Variants in ZNF594 observed in about 807,000 individuals in gnomAD.
ZNF594 encodes zinc finger protein 594, also known as zinc finger protein HZF18.
For missense variants in ZNF594, 1,037 were observed against 964.6 expected (o/e 1.08, Z -0.99); for synonymous variants, 336 against 309.4 (o/e 1.09, Z -0.90).
chr17:5,182,761 C>T lies in ZNF594; in HGVS notation c.1496G>A (p.Arg499Gln), dbSNP rs553767305. The change falls in exon 2 of 2, where the codon CGG becomes CAG. Residue 499 changes from arginine (R) to glutamine (Q), a missense_variant. Transcript: ENST00000575779. ...CCGATGTTGAATAAGGAGTGAACGC[C>T]GCCTGAAGGCTTTCCCACATTCAGT... ...QCTECGKAFR[R>Q]RSLLIQHRRI... 72 of 1,613,762 alleles carry T rather than the reference C, an allele frequency of 4.5e-5. No homozygotes were observed. The Admixed American group carries it at 8.0e-4, about 18-fold the overall frequency.
At chr17:5,191,444 T>A (rs2074423582) in intron 1 of ZNF594, 1 of 152,058 alleles carries the variant, frequency 6.6e-6, no homozygotes, top group Admixed American at 6.5e-5. Flanking sequence ...GGCACAGATG[T>A]GGGCGAGGAA....
downstream of ZNF594, among the ~76,000 whole-genome samples, chr17:5,177,949 C>T (rs189510903): frequency 1.3e-5 from 2 of 152,154 alleles, no homozygotes; most frequent in African/African-American, 4.8e-5. Flanking sequence ...AACCAGCCAA[C>T]AAAAATACTG....
Position 5,181,098 on chromosome 17 carries a change from A to T in ZNF594, c.*735T>A. The T allele has an allele frequency of 6.8e-7, 1 of 1,477,260 alleles. No individual in the cohort carries two copies. Among genetic ancestry groups the T allele is most frequent in the Non-Finnish European group, 9.4e-7 (1 of 1,063,068 alleles). The allele number at this position is 1,477,260 out of a possible 1,614,324, so 91.5% of individuals were successfully genotyped here. A position where few individuals can be genotyped will look rare whatever the true frequency, so the allele number is the denominator to read the frequency against. On this transcript the variant is annotated 3_prime_UTR_variant, in exon 2 of 2. Transcript: ENST00000575779. The stretch of plus-strand genomic sequence containing the variant: ...TCTGGTATGAATTCTTTGATGACTG[A>T]CAAGGTGTGAGTTCTGACTGAAGGC...
In ZNF594 at chr17:5,183,767, A is replaced by G; in HGVS notation, c.490T>C (p.Ser164Pro). ...PYVCNECGKD[S>P]NQSSNLIIHQ... ...ATAATAAGATTTGAACTTTGATTAGAGTCTTTCCCACATTCATTACACACA... is the reference window on the plus strand; with the variant it reads ...ATAATAAGATTTGAACTTTGATTAGGGTCTTTCCCACATTCATTACACACA... The change falls in exon 2 of 2, where the codon TCT becomes CCT. Residue 164 changes from serine to proline, a missense_variant. By Grantham distance (74) the Ser-to-Pro change is moderately conservative. Coordinates refer to ENST00000575779, the MANE Select transcript of ZNF594 (RefSeq NM_032530.2). 1 of 1,613,316 alleles carries G rather than the reference A, an allele frequency of 6.2e-7. No homozygotes were observed. The highest frequency in any genetic ancestry group is 1.3e-5 in the African/African-American group (1 of 75,028).
In ZNF594 at chr17:5,181,526, C is replaced by A. The variant is rs2074340224; in HGVS notation, c.*307G>T. The A allele has an allele frequency of 1.9e-6, 3 of 1,613,834 alleles. No homozygotes were observed. In the African/African-American group the frequency reaches 4.0e-5, roughly 22 times the overall value. On this transcript the variant is annotated 3_prime_UTR_variant, in exon 2 of 2. Coordinates refer to ENST00000575779, the MANE Select transcript of ZNF594 (RefSeq NM_032530.2). Reference sequence around the variant, plus strand: ...GATGTTTGAGGAAAGCTGTGTGCCACATGAAGAGTTTCCCACATTCCTTAC... The same window carrying A: ...GATGTTTGAGGAAAGCTGTGTGCCAAATGAAGAGTTTCCCACATTCCTTAC...
chr17:5,188,628 AT>A, intron 1 of ZNF594, among the ~76,000 whole-genome samples: 1 of 152,334 alleles, frequency 6.6e-6, no homozygotes, highest in East Asian at 1.9e-4. Flanking sequence ...AATAGGAAAC[AT>A]TCAGCAGAGA....
chr17:5,176,903 T>C (rs890651441), downstream of ZNF594, among the ~76,000 whole-genome samples: 4 of 151,172 alleles, frequency 2.6e-5, no homozygotes, highest in African/African-American at 7.3e-5. Flanking sequence ...AGGATAAAAG[T>C]TGGTTTATAG....
Position 5,183,676 on chromosome 17 carries a change from T to C in ZNF594, c.581A>G (p.Gln194Arg), listed in dbSNP as rs1207194726. Residue 194 changes from glutamine to arginine, a missense_variant, in exon 2 of 2, where the codon CAG becomes CGG. Transcript: ENST00000575779. Reference protein sequence around the residue: ...ICHECGKDFNQSSNLVRHKQI... With the variant: ...ICHECGKDFNRSSNLVRHKQI... Reference sequence around the variant, plus strand: ...CTTATGTCTCACCAGATTGGAGCTCTGATTGAAGTCTTTTCCACATTCATG... The same window carrying C: ...CTTATGTCTCACCAGATTGGAGCTCCGATTGAAGTCTTTTCCACATTCATG... The C allele has an allele frequency of 3.7e-6, 6 of 1,613,866 alleles. No homozygotes were observed. The highest frequency in any genetic ancestry group is 5.1e-6 in the Non-Finnish European group (6 of 1,179,910).
At chr17:5,185,814 A>C (rs1333059886) in intron 1 of ZNF594, among the ~76,000 whole-genome samples, 1 of 152,164 alleles carries the variant, frequency 6.6e-6, no homozygotes, top group East Asian at 1.9e-4. Context: ...GCAAGTCCGA[A>C]ATCCAGCAAG....
rs747010936 is a variant in ZNF594, at chr17:5,181,207, A to C, written c.*626T>G. 8 of 1,611,652 alleles carry C rather than the reference A, an allele frequency of 5.0e-6. No individual in the cohort carries two copies. Among genetic ancestry groups the C allele is most frequent in the Non-Finnish European group, 5.9e-6 (7 of 1,177,864 alleles). The stretch of plus-strand genomic sequence containing the variant: ...ATAAGATCTGAGCTGCCCCTAAAAG[A>C]TTTCCCACATTTGTTGCATACATAA... On this transcript the variant is annotated 3_prime_UTR_variant, in exon 2 of 2. Coordinates refer to ENST00000575779, the MANE Select transcript of ZNF594 (RefSeq NM_032530.2).
At chr17:5,177,993 T>A (rs1323400803), downstream of ZNF594, among the ~76,000 whole-genome samples, 2 of 151,694 alleles carry the variant, frequency 1.3e-5, no homozygotes, top group Admixed American at 6.6e-5. Context: ...TAAAGAAATA[T>A]TCCAAATATT....
intron 1 of ZNF594, among the ~76,000 whole-genome samples, chr17:5,184,681 C>G (rs1462039854): frequency 1.3e-5 from 2 of 152,160 alleles, no homozygotes; most frequent in African/African-American, 2.4e-5. Context: ...ACAAGTTGAT[C>G]TGCTAGCAGC....
downstream of ZNF594, among the ~76,000 whole-genome samples, chr17:5,179,363 C>G (rs1467494617): frequency 6.6e-6 from 1 of 150,712 alleles, no homozygotes. Context: ...GAGGCTGGGT[C>G]TCTGGAGCTG....
At chr17:5,176,971 G>A (rs1289863412), downstream of ZNF594, among the ~76,000 whole-genome samples, 3 of 151,898 alleles carry the variant, frequency 2.0e-5, no homozygotes, top group South Asian at 2.1e-4. Context: ...CGAGGCAGGC[G>A]GATCACGAGG....
chr17:5,190,316 C>A (rs942114853), intron 1 of ZNF594, among the ~76,000 whole-genome samples: 1 of 152,012 alleles, frequency 6.6e-6, no homozygotes, highest in Admixed American at 6.6e-5. Flanking sequence ...TGCAGTGAGC[C>A]GAGATCGCAC....
chr17:5,191,106 T>G (rs1160940143), intron 1 of ZNF594, among the ~76,000 whole-genome samples: 1 of 152,072 alleles, frequency 6.6e-6, no homozygotes, highest in Non-Finnish European at 1.5e-5. Flanking sequence ...AACTAGCCCC[T>G]TCCTCAGGGC....
At position 5,181,606 on chromosome 17, in the gene ZNF594, G is replaced by A. The variant is rs760818972; in HGVS notation, c.*227C>T. The A allele has an allele frequency of 2.4e-5, 39 of 1,607,924 alleles. No homozygotes were observed. Among genetic ancestry groups the A allele is most frequent in the Middle Eastern group, 1.6e-4 (1 of 6,068 alleles). On this transcript the variant is annotated 3_prime_UTR_variant, in exon 2 of 2. Transcript: ENST00000575779. Reference sequence around the variant, plus strand: ...CTCCGACGTTGAATAAGGAGTGAACGCCGCCTGAAGGCTTTTTCACATTCA... The same window carrying A: ...CTCCGACGTTGAATAAGGAGTGAACACCGCCTGAAGGCTTTTTCACATTCA...
intron 1 of ZNF594, among the ~76,000 whole-genome samples, chr17:5,188,815 T>C (rs1230970278): frequency 6.7e-6 from 1 of 150,276 alleles, no homozygotes; most frequent in Non-Finnish European, 1.5e-5. Flanking sequence ...TGGCGCGATC[T>C]CGGCTCACTG....
intron 1 of ZNF594, chr17:5,191,333 T>C (rs1289602855): frequency 1.3e-5 from 2 of 152,218 alleles, no homozygotes; most frequent in African/African-American, 2.4e-5. Flanking sequence ...GTAGAACATA[T>C]ATGAACAATA....
Sources: allele counts gnomAD v4.1 joint callset (sites outside exome capture counted in the v4.1 genomes callset), GRCh38; gene constraint gnomAD v4.1.1; transcripts MANE v1.5; gene names NCBI Gene and HGNC (gene_info 2026-07-23, HGNC 2026-07-21).